The following AGPAT3 variants were observed in gnomAD, a reference collection of about 807,000 sequenced individuals.
AGPAT3 encodes 1-acyl-sn-glycerol-3-phosphate acyltransferase gamma.
Under a neutral mutation model 47.3 loss-of-function variants are expected in AGPAT3, and 5 were observed. That is an observed-to-expected ratio of 0.11 (90% confidence interval 0.06 to 0.22). AGPAT3 has a LOEUF of 0.22. AGPAT3 is among the 10% of genes least tolerant of loss of function. The pLI is 1.00. For synonymous variants in AGPAT3, 212 were observed against 208.3 expected (o/e 1.02, Z -0.15); for missense variants, 315 against 493.0 (o/e 0.64, Z 3.42).
chr21:43,885,290 A>G lies in AGPAT3; in HGVS notation c.-111-18667A>G, dbSNP rs1181357806. ...GTCATTGATGCAGACGCGGAGACTCACTTCTCTGCTTCGTGTGTTCCTAGT... is the reference window on the plus strand; with the variant it reads ...GTCATTGATGCAGACGCGGAGACTCGCTTCTCTGCTTCGTGTGTTCCTAGT... On this transcript the variant is annotated intron_variant, in intron 1 of 9. Transcript: ENST00000291572. 3.3e-5 allele frequency among the ~76,000 whole-genome samples: 5 copies of G among 152,280 alleles called. No individual in the cohort carries two copies. In the East Asian group the frequency reaches 9.6e-4, roughly 29 times the overall value.
At chr21:43,914,274 C>T (rs2086685221) in intron 2 of AGPAT3, among the ~76,000 whole-genome samples, 1 of 152,190 alleles carries the variant, frequency 6.6e-6, no homozygotes, top group Non-Finnish European at 1.5e-5. Flanking sequence ...TCTTCCCTTC[C>T]CTCTGCACTC....
At chr21:43,963,322 C>T (rs748333632) in intron 3 of AGPAT3, among the ~76,000 whole-genome samples, 5 of 152,142 alleles carry the variant, frequency 3.3e-5, no homozygotes, top group Non-Finnish European at 7.3e-5. Context: ...GATGAAGGCA[C>T]GATTTTTCAG....
At chr21:43,945,923 G>A (rs1257012364) in intron 2 of AGPAT3, among the ~76,000 whole-genome samples, 1 of 152,128 alleles carries the variant, frequency 6.6e-6, no homozygotes. Flanking sequence ...ACCTGGTGGG[G>A]GCTGGACAGG....
chr21:43,905,197 ATTTATTTATTTT>A, intron 2 of AGPAT3, among the ~76,000 whole-genome samples: 1 of 136,912 alleles, frequency 7.3e-6, no homozygotes, highest in Middle Eastern at 3.5e-3. Flanking sequence ...TTATTTATTT[ATTTATTTATTTT>A]GAGACAGTCT....
chr21:43,910,106 G>A (rs944100608), intron 2 of AGPAT3, among the ~76,000 whole-genome samples: 10 of 152,230 alleles, frequency 6.6e-5, no homozygotes, highest in African/African-American at 2.4e-4. Flanking sequence ...AGTTCTCAAG[G>A]AAGGGGAGCC....
chr21:43,877,678 G>A (rs1377520136), intron 1 of AGPAT3, among the ~76,000 whole-genome samples: 1 of 151,910 alleles, frequency 6.6e-6, no homozygotes, highest in African/African-American at 2.4e-5. Flanking sequence ...TCCCGACCTC[G>A]GGTGATCCGC....
chr21:43,866,828 C>T (rs1029593865), intron 1 of AGPAT3, among the ~76,000 whole-genome samples: 13 of 152,248 alleles, frequency 8.5e-5, no homozygotes, highest in African/African-American at 2.4e-4. Context: ...CCTACCTGTG[C>T]GTGGCCCTGT....
rs1047272020 is a variant in AGPAT3, at chr21:43,879,283, G to A, written c.-112+13938G>A. On this transcript the variant is annotated intron_variant, in intron 1 of 9. Transcript: ENST00000291572. ...GAAAATTGCCTGAACCCAGGAGGTG[G>A]AGGTTGCAGTGCGCTGAGATTGTGC... is the stretch of plus-strand genomic sequence containing the variant. Among the ~76,000 whole-genome samples the A allele has an allele frequency of 1.0e-4, 15 of 150,256 alleles. 1 individual carries two copies. The South Asian group carries it at 3.2e-3, about 32-fold the overall frequency.
chr21:43,938,933 C>T (rs1032287107), intron 2 of AGPAT3, among the ~76,000 whole-genome samples: 1 of 152,112 alleles, frequency 6.6e-6, no homozygotes, highest in Admixed American at 6.5e-5. Context: ...TGCGGCTGCC[C>T]CATCACGCTC....
intron 1 of AGPAT3, among the ~76,000 whole-genome samples, chr21:43,885,146 A>G (rs1024683721): frequency 6.6e-5 from 10 of 152,152 alleles, no homozygotes; most frequent in Non-Finnish European, 1.0e-4. Flanking sequence ...CTAGACCTCA[A>G]ATGGCATCCC....
At chr21:43,938,540 A>G (rs573033263) in intron 2 of AGPAT3, among the ~76,000 whole-genome samples, 1 of 151,946 alleles carries the variant, frequency 6.6e-6, no homozygotes, top group African/African-American at 2.4e-5. Context: ...GTGATCCACC[A>G]GCCTCGGCCT....
intron 2 of AGPAT3, among the ~76,000 whole-genome samples, chr21:43,911,395 C>T (rs1204815256): frequency 1.3e-5 from 2 of 151,952 alleles, no homozygotes; most frequent in Non-Finnish European, 2.9e-5. Context: ...GAGCTGCGCT[C>T]TTATATTGAG....
chr21:43,967,670 C>G (rs765234039), intron 3 of AGPAT3: 2 of 409,416 alleles, frequency 4.9e-6, no homozygotes, highest in African/African-American at 4.0e-5. Context: ...CCAAGGTGCA[C>G]GTGAGAAGCG....
intron 1 of AGPAT3, among the ~76,000 whole-genome samples, chr21:43,898,733 G>T (rs1353835010): frequency 6.6e-6 from 1 of 152,132 alleles, no homozygotes; most frequent in African/African-American, 2.4e-5. Flanking sequence ...CTCCATGTTG[G>T]CCAGGCTGAT....
rs571319731 is a variant in AGPAT3 at position 43,910,987 on chromosome 21, C to A, written c.-49+6968C>A. 6.8e-4 allele frequency among the ~76,000 whole-genome samples: 103 copies of A among 152,334 alleles called. 1 individual carries two copies. Among genetic ancestry groups the A allele is most frequent in the African/African-American group, 2.4e-3 (98 of 41,586 alleles). Reference sequence around the variant, plus strand: ...TCTAATAAATAATTAAAATTGCATTCTTTACTCCATTCCACATCCCACTCC... The same window carrying A: ...TCTAATAAATAATTAAAATTGCATTATTTACTCCATTCCACATCCCACTCC... On this transcript the variant is annotated intron_variant, in intron 2 of 9. Coordinates refer to ENST00000291572, the MANE Select transcript of AGPAT3 (RefSeq NM_020132.5).
chr21:43,891,244 C>T (rs1483067969), intron 1 of AGPAT3, among the ~76,000 whole-genome samples: 4 of 152,214 alleles, frequency 2.6e-5, no homozygotes, highest in Non-Finnish European at 4.4e-5. Flanking sequence ...GTTTATGTAA[C>T]ACTCTGGATC....
At chr21:43,927,326 C>T (rs1001171026) in intron 2 of AGPAT3, among the ~76,000 whole-genome samples, 2 of 151,960 alleles carry the variant, frequency 1.3e-5, no homozygotes, top group African/African-American at 4.8e-5. Flanking sequence ...AAAAAGAACC[C>T]CACAGAGTTA....
chr21:43,906,334 G>T lies in AGPAT3; in HGVS notation c.-49+2315G>T, dbSNP rs527413296. On this transcript the variant is annotated intron_variant, in intron 2 of 9. Transcript: ENST00000291572. The stretch of plus-strand genomic sequence containing the variant: ...CGGTGTGGCACTGCAGCTCCCCCCC[G>T]CCCAAGCTGGTGAGTGTTAATATCG... Among the ~76,000 whole-genome samples, 291 of 152,200 alleles carry T rather than the reference G, an allele frequency of 1.9e-3. 2 individuals carry two copies. Among genetic ancestry groups the T allele is most frequent in the African/African-American group, 6.6e-3 (274 of 41,526 alleles).
At chr21:43,871,905 A>G (rs2085632921) in intron 1 of AGPAT3, among the ~76,000 whole-genome samples, 1 of 152,154 alleles carries the variant, frequency 6.6e-6, no homozygotes, top group Non-Finnish European at 1.5e-5. Context: ...TGTAATGTAT[A>G]ATTTTATCCA....
Sources: allele counts gnomAD v4.1 joint callset (sites outside exome capture counted in the v4.1 genomes callset), GRCh38; gene constraint gnomAD v4.1.1; transcripts MANE v1.5; gene names NCBI Gene and HGNC (gene_info 2026-07-23, HGNC 2026-07-21).